TMOD3: variants seen among roughly 807,000 people sequenced by gnomAD.
The protein encoded by TMOD3 is tropomodulin-3.
In TMOD3, 20 loss-of-function variants were observed where a neutral mutation model predicts 39.2. That is an observed-to-expected ratio of 0.51 (90% CI 0.36 to 0.74). The LOEUF (loss-of-function observed/expected upper bound fraction) is 0.74. TMOD3 is among the 30% of genes least tolerant of loss of function. The pLI is 0.00. For missense variants in TMOD3, 381 were observed against 412.8 expected, an observed-to-expected ratio of 0.92 and a Z score of 0.67; for synonymous variants, 143 against 145.8, an observed-to-expected ratio of 0.98 and a Z score of 0.14.
At chr15:51,905,469 AG>A (rs1290141660) in intron 9 of TMOD3, among the ~76,000 whole-genome samples, 1 of 151,880 alleles carries the variant, frequency 6.6e-6, no homozygotes. Flanking sequence ...CCTGGGCTAC[AG>A]AGTGAGACTT....
In TMOD3 at chr15:51,884,916, T is replaced by C. The variant is rs80262874; in HGVS notation, c.284-2673T>C. 5.9e-3 allele frequency among the ~76,000 whole-genome samples: 899 copies of C among 152,364 alleles called. 24 individuals carry two copies. Among genetic ancestry groups the C allele is most frequent in the East Asian group, 0.05 (261 of 5,194 alleles). On this transcript the variant is annotated intron_variant, in intron 3 of 9. Transcript: ENST00000308580. Reference sequence around the variant, plus strand: ...AAACTTCATGTTGTTTGAACTCTTATTGCTTTAAGAGTGGTCTGTGGATCA... The same window carrying C: ...AAACTTCATGTTGTTTGAACTCTTACTGCTTTAAGAGTGGTCTGTGGATCA...
chr15:51,856,214 C>A (rs181388441), intron 1 of TMOD3, among the ~76,000 whole-genome samples: 2 of 152,260 alleles, frequency 1.3e-5, no homozygotes, highest in Middle Eastern at 3.4e-3. Flanking sequence ...AGTGAGCCGT[C>A]ATTGCACCAC....
intron 8 of TMOD3, chr15:51,901,492 G>T (rs2056649802): frequency 6.3e-6 from 1 of 159,868 alleles, no homozygotes; most frequent in South Asian, 1.8e-4. Context: ...TATCCTAGTG[G>T]GTATGAAGTG....
In TMOD3 at chr15:51,893,935, A is replaced by G. The variant is rs758296834; in HGVS notation, c.617A>G (p.Asn206Ser). 2 of 1,605,492 alleles carry G rather than the reference A, an allele frequency of 1.2e-6. No individual in the cohort carries two copies. Among genetic ancestry groups the G allele is most frequent in the Non-Finnish European group, 8.5e-7 (1 of 1,174,570 alleles). Residue 206 changes from asparagine (N) to serine (S), a missense_variant, in exon 6 of 10, where the codon AAT becomes AGT. Asn to Ser is a conservative substitution (Grantham distance 46). Coordinates refer to ENST00000308580, the MANE Select transcript of TMOD3 (RefSeq NM_014547.5). ...NDAHLVEVNL[N>S]NIKNIPIPTL... ...GCTCATCTTGTTGAAGTTAATTTGA[A>G]TAATATAAAGGTAAGTGTGCTAATC...
chr15:51,881,368 A>G (rs2916176), intron 3 of TMOD3, among the ~76,000 whole-genome samples: 54,292 of 151,906 alleles, frequency 0.36, 10,218 homozygotes, highest in Middle Eastern at 0.43. Context: ...TGGCTCAAAA[A>G]TGTTTCTCCT....
intron 3 of TMOD3, among the ~76,000 whole-genome samples, chr15:51,886,659 AGAGAGG>A (rs565779722): frequency 4.6e-5 from 7 of 151,612 alleles, no homozygotes; most frequent in African/African-American, 1.5e-4. Flanking sequence ...GACCGTGGAG[AGAGAGG>A]GAGAGGGAGA....
chr15:51,890,470 C>CACAG (rs2056587002), intron 5 of TMOD3, among the ~76,000 whole-genome samples: 1 of 151,914 alleles, frequency 6.6e-6, no homozygotes, highest in Non-Finnish European at 1.5e-5. Flanking sequence ...AGCCACTGTG[C>CACAG]CTGGCCAACT....
chr15:51,848,866 A>G (rs2056347910), intron 1 of TMOD3, among the ~76,000 whole-genome samples: 1 of 152,230 alleles, frequency 6.6e-6, no homozygotes, highest in Non-Finnish European at 1.5e-5. Context: ...GGCTAGACAC[A>G]GTTTCTCTAA....
chr15:51,890,823 G>A (rs146555874), intron 5 of TMOD3, among the ~76,000 whole-genome samples: 39 of 152,246 alleles, frequency 2.6e-4, no homozygotes, highest in African/African-American at 8.7e-4. Context: ...TTGTAGAAAT[G>A]TTCAAACACA....
intron 8 of TMOD3, among the ~76,000 whole-genome samples, chr15:51,900,684 T>A (rs1247162314): frequency 6.6e-6 from 1 of 152,180 alleles, no homozygotes; most frequent in Non-Finnish European, 1.5e-5. Flanking sequence ...AGCTATTAAT[T>A]TTTTTATTTG....
intron 1 of TMOD3, chr15:51,860,226 C>T: frequency 2.0e-6 from 1 of 496,918 alleles, no homozygotes; most frequent in South Asian, 1.5e-5. Flanking sequence ...TATTTGTAGA[C>T]CTTTGGCAAA....
chr15:51,831,672 G>A (rs1472549014), intron 1 of TMOD3, among the ~76,000 whole-genome samples: 1 of 152,066 alleles, frequency 6.6e-6, no homozygotes, highest in Non-Finnish European at 1.5e-5. Flanking sequence ...ACTCTAACAA[G>A]AACAATTGTC....
intron 3 of TMOD3, among the ~76,000 whole-genome samples, chr15:51,881,434 T>C (rs536602127): frequency 2.5e-4 from 38 of 152,170 alleles, no homozygotes; most frequent in Non-Finnish European, 4.4e-4. Flanking sequence ...CACAAAAGTT[T>C]TTAATTTTGA....
intron 9 of TMOD3, among the ~76,000 whole-genome samples, chr15:51,904,862 T>C (rs2056670281): frequency 6.6e-6 from 1 of 152,094 alleles, no homozygotes; most frequent in African/African-American, 2.4e-5. Flanking sequence ...TGGTGTGTGA[T>C]AGAGGAAGAG....
chr15:51,857,070 A>G (rs1427852517), intron 1 of TMOD3, among the ~76,000 whole-genome samples: 1 of 152,244 alleles, frequency 6.6e-6, no homozygotes, highest in Admixed American at 6.5e-5. Context: ...AGAAAGTAGT[A>G]TAGCTCTAAG....
At chr15:51,860,790 G>C in intron 1 of TMOD3, 1 of 365,450 alleles carries the variant, frequency 2.7e-6, no homozygotes, top group South Asian at 2.2e-5. Flanking sequence ...ACAAAAATTA[G>C]CCGGGCCTGG....
chr15:51,853,661 A>G (rs1164554039), intron 1 of TMOD3, among the ~76,000 whole-genome samples: 1 of 152,088 alleles, frequency 6.6e-6, no homozygotes, highest in African/African-American at 2.4e-5. Flanking sequence ...TAATAACAAC[A>G]GTTTGGGCAT....
chr15:51,868,093 T>C (rs2141688518), intron 2 of TMOD3, among the ~76,000 whole-genome samples: 1 of 152,318 alleles, frequency 6.6e-6, no homozygotes, highest in South Asian at 2.1e-4. Flanking sequence ...CACACACAAG[T>C]GGAACATCTC....
chr15:51,889,720 G>A (rs2056582820), intron 5 of TMOD3, among the ~76,000 whole-genome samples: 1 of 152,058 alleles, frequency 6.6e-6, no homozygotes, highest in Non-Finnish European at 1.5e-5. Context: ...TTAAAAATTA[G>A]CTGGGCATGG....
Sources: allele counts gnomAD v4.1 joint callset (sites outside exome capture counted in the v4.1 genomes callset), GRCh38; gene constraint gnomAD v4.1.1; transcripts MANE v1.5; gene names NCBI Gene and HGNC (gene_info 2026-07-23, HGNC 2026-07-21).